JPH1: variants seen among roughly 807,000 people sequenced by gnomAD.
JPH1 encodes junctophilin 1.
In JPH1, 12 loss-of-function variants were observed where a neutral mutation model predicts 53.6. That is an observed-to-expected ratio of 0.22 (90% CI 0.14 to 0.36). JPH1 has a LOEUF of 0.36. Ranked by LOEUF, JPH1 falls within the 10% of genes least tolerant of loss-of-function variation. The pLI is 1.00. For missense variants in JPH1, 808 were observed against 905.5 expected, an observed-to-expected ratio of 0.89 and a Z score of 1.38; for synonymous variants, 375 against 363.8, an observed-to-expected ratio of 1.03 and a Z score of -0.35.
intron 2 of JPH1, among the ~76,000 whole-genome samples, chr8:74,304,161 G>A (rs1807766196): frequency 6.6e-6 from 1 of 152,192 alleles, no homozygotes; most frequent in Non-Finnish European, 1.5e-5. Flanking sequence ...ATAATCCAAT[G>A]GGTAATAACT....
rs545357217 is a variant in JPH1 at position 74,259,662 on chromosome 8, T to C, written c.1140-159A>G. Among the ~76,000 whole-genome samples the C allele has an allele frequency of 2.6e-5, 4 of 152,346 alleles. No homozygotes were observed. The East Asian group carries it at 5.8e-4, about 22-fold the overall frequency. The stretch of plus-strand genomic sequence containing the variant: ...GAGTCCTATTGCCGTGAAATTTCAA[T>C]GAAGATGACATAGATGAAACTAAAC... On this transcript the variant is annotated intron_variant, in intron 2 of 5. Coordinates refer to ENST00000342232, the MANE Select transcript of JPH1 (RefSeq NM_020647.4).
chr8:74,268,128 C>T (rs573391530), intron 2 of JPH1, among the ~76,000 whole-genome samples: 3 of 152,162 alleles, frequency 2.0e-5, no homozygotes, highest in Non-Finnish European at 2.9e-5. Context: ...GGGATGAGGA[C>T]GGATTTATAT....
chr8:74,267,244 G>A (rs1806559357), intron 2 of JPH1, among the ~76,000 whole-genome samples: 1 of 152,174 alleles, frequency 6.6e-6, no homozygotes, highest in Non-Finnish European at 1.5e-5. Context: ...TCAACGAAAG[G>A]TGGTTGAACT....
chr8:74,242,438 C>G (rs1378738450), intron 4 of JPH1, among the ~76,000 whole-genome samples: 1 of 152,238 alleles, frequency 6.6e-6, no homozygotes, highest in East Asian at 1.9e-4. Flanking sequence ...GGTCACACAG[C>G]TGGTAAGCAA....
chr8:74,270,502 C>A (rs1031869600), intron 2 of JPH1, among the ~76,000 whole-genome samples: 1 of 152,086 alleles, frequency 6.6e-6, no homozygotes, highest in Non-Finnish European at 1.5e-5. Context: ...GAAGCAGAAA[C>A]AAATATGTAA....
At chr8:74,245,302 TC>T in intron 3 of JPH1, 127 bp from the exon 4 acceptor site, 1 of 786,330 alleles carries the variant, frequency 1.3e-6, no homozygotes, top group South Asian at 3.0e-5. Flanking sequence ...AACACATATT[TC>T]ATTCTCTGGG....
At chr8:74,272,153 C>T (rs547838375) in intron 2 of JPH1, among the ~76,000 whole-genome samples, 15 of 152,200 alleles carry the variant, frequency 9.9e-5, no homozygotes, top group Non-Finnish European at 1.8e-4. Context: ...TCAACCCTGG[C>T]TGTCTCCCCT....
chr8:74,319,532 AT>A (rs1182769674), intron 1 of JPH1, among the ~76,000 whole-genome samples: 1 of 152,174 alleles, frequency 6.6e-6, no homozygotes, highest in Non-Finnish European at 1.5e-5. Flanking sequence ...TTTTCTTTTA[AT>A]CCATGAGAAC....
At position 74,245,024 on chromosome 8, in the gene JPH1, G is replaced by A; in HGVS notation, c.1410C>T (p.Pro470=). The A allele has an allele frequency of 6.2e-7, 1 of 1,614,006 alleles. No homozygotes were observed. The highest frequency in any genetic ancestry group is 8.5e-7 in the Non-Finnish European group (1 of 1,180,006). ...AGGAAGCAGGAGAGTGGCTGTGTTT[G>A]GGACTTGCCTCAGGAGATCTTGGGG... The part of the protein sequence containing the change: ...TTPPRSPEAS[P]KHSHSPASSP... The change falls in exon 4 of 6, where the codon CCC becomes CCT. Residue 470 remains proline, a synonymous_variant. Transcript: ENST00000342232.
At chr8:74,314,623 T>C (rs2131464999) in intron 2 of JPH1, among the ~76,000 whole-genome samples, 1 of 152,210 alleles carries the variant, frequency 6.6e-6, no homozygotes, top group Middle Eastern at 3.4e-3. Flanking sequence ...AGGGAAGTAA[T>C]TTAGAACAGG....
At chr8:74,251,402 A>G (rs1022845501) in intron 3 of JPH1, among the ~76,000 whole-genome samples, 1 of 152,174 alleles carries the variant, frequency 6.6e-6, no homozygotes, top group Non-Finnish European at 1.5e-5. Context: ...CTCATTTTCA[A>G]GCTGAACTCT....
rs550427972 is a variant in JPH1, at chr8:74,238,811, T to C, written c.1906-1508A>G. ...TAGCTGAGACCAACAGTGCGTGCTA[T>C]CAAACCTGGTTAATTTTTGTATTTT... On this transcript the variant is annotated intron_variant, in intron 4 of 5. Transcript: ENST00000342232. Among the ~76,000 whole-genome samples the C allele has an allele frequency of 3.8e-4, 58 of 152,222 alleles. No homozygotes were observed. The South Asian group carries it at 0.012, about 32-fold the overall frequency.
intron 4 of JPH1, 49 bp from the exon 5 acceptor site, chr8:74,237,352 C>T (rs2131371145): frequency 7.2e-7 from 1 of 1,391,970 alleles, no homozygotes; most frequent in South Asian, 1.2e-5. Context: ...ATGTTAATAT[C>T]AAGATATTAC....
At chr8:74,316,341 AG>A (rs368911776) in intron 1 of JPH1, among the ~76,000 whole-genome samples, 316 of 152,344 alleles carry the variant, frequency 2.1e-3, no homozygotes, top group African/African-American at 7.2e-3. Context: ...AAAAGGCCAA[AG>A]CTTTGTGCCG....
At chr8:74,255,830 A>T (rs899326683) in intron 3 of JPH1, among the ~76,000 whole-genome samples, 6 of 152,220 alleles carry the variant, frequency 3.9e-5, no homozygotes, top group Non-Finnish European at 8.8e-5. Context: ...TGCAAATCAA[A>T]ACCACAATGA....
chr8:74,272,926 AC>A (rs950501369), intron 2 of JPH1, among the ~76,000 whole-genome samples: 26 of 151,668 alleles, frequency 1.7e-4, no homozygotes, highest in African/African-American at 6.1e-4. Flanking sequence ...CTGAGATACT[AC>A]AAATATACCT....
intron 2 of JPH1, among the ~76,000 whole-genome samples, chr8:74,278,660 G>A (rs7819995): frequency 0.1 from 15,308 of 152,154 alleles, 2,059 homozygotes; most frequent in African/African-American, 0.31. Flanking sequence ...CCGGACTAAT[G>A]CACTTATGTA....
chr8:74,304,981 T>C (rs146560043), intron 2 of JPH1, among the ~76,000 whole-genome samples: 1,640 of 152,346 alleles, frequency 0.011, 10 homozygotes, highest in Middle Eastern at 0.031. Context: ...TAGCATATTA[T>C]ACAAACAAAT....
intron 2 of JPH1, among the ~76,000 whole-genome samples, chr8:74,309,160 C>T (rs565015324): frequency 6.6e-6 from 1 of 152,232 alleles, no homozygotes; most frequent in South Asian, 2.1e-4. Context: ...AGCATAGTCC[C>T]ATGCGACTGG....
Sources: gnomAD v4.1 joint callset for allele counts (sites outside exome capture counted in the v4.1 genomes callset) on GRCh38, gnomAD v4.1.1 for gene constraint, MANE v1.5 for transcripts, NCBI Gene and HGNC (gene_info 2026-07-23, HGNC 2026-07-21) for gene names.